The following MTMR8 variants were observed in gnomAD, a reference collection of about 807,000 sequenced individuals.
MTMR8 encodes the protein myotubularin related protein 8.
MTMR8 carries 65 observed loss-of-function variants against 39.3 expected under a neutral mutation model. The observed-to-expected ratio is 1.65, with a 90% confidence interval of 1.35 to 2.03. MTMR8 has a LOEUF of 2.03. Ranked by LOEUF, MTMR8 falls within the 30% of genes most tolerant of loss-of-function variation. The pLI is 0.00. For synonymous variants in MTMR8, 245 were observed against 185.2 expected (o/e 1.32, Z -2.62); for missense variants, 777 against 538.9 (o/e 1.44, Z -4.37).
chrX:64,276,988 C>T (rs912923445), intron 12 of MTMR8, among the ~76,000 whole-genome samples: 1 of 111,794 alleles, frequency 8.9e-6, no homozygotes, highest in African/African-American at 3.3e-5. Context: ...TGCATTGATC[C>T]CTTTACCATT....
chrX:64,377,896 G>C (rs190941260), intron 1 of MTMR8, among the ~76,000 whole-genome samples: 43 of 111,823 alleles, frequency 3.8e-4, no homozygotes, highest in Non-Finnish European at 6.8e-4. Flanking sequence ...TTGGATCATG[G>C]GGCAGACTTC....
chrX:64,270,514 A>C (rs1200436529), intron 13 of MTMR8, among the ~76,000 whole-genome samples: 3 of 112,485 alleles, frequency 2.7e-5, no homozygotes, highest in Admixed American at 9.4e-5. Context: ...GTCACTCAAT[A>C]AGCAGAGTTT....
Position 64,270,992 on chromosome X carries a change from C to G in MTMR8, c.1563G>C (p.Lys521Asn). The G allele has an allele frequency of 8.3e-7, 1 of 1,210,588 alleles. No homozygotes were observed. Among genetic ancestry groups the G allele is most frequent in the Non-Finnish European group, 1.1e-6 (1 of 894,985 alleles). Residue 521 changes from lysine to asparagine, a missense_variant, in exon 13 of 14, where the codon AAG (lysine) becomes AAC (asparagine). By Grantham distance (94) the Lys-to-Asn change is moderately conservative (BLOSUM62 0). Coordinates refer to ENST00000374852, the MANE Select transcript of MTMR8 (RefSeq NM_017677.4). ...QSMLESLLEIKKQRAMLETDV... is the reference protein window; with the variant it reads ...QSMLESLLEINKQRAMLETDV... The stretch of plus-strand genomic sequence containing the variant: ...CTGTCTCCAGCATTGCTCTCTGTTT[C>G]TTAATTTCCAGGAGGCTCTCTAGCA...
At chrX:64,369,863 G>A (rs910539266) in intron 1 of MTMR8, among the ~76,000 whole-genome samples, 2 of 111,353 alleles carry the variant, frequency 1.8e-5, no homozygotes, top group Admixed American at 1.9e-4. Context: ...GCTATTAGAA[G>A]CAATGGGTTA....
At chrX:64,334,559 A>G (rs757126251) in intron 10 of MTMR8, among the ~76,000 whole-genome samples, 1 of 98,433 alleles carries the variant, frequency 1.0e-5, no homozygotes, top group African/African-American at 3.7e-5. Flanking sequence ...AAACACTCAA[A>G]TCTTTCAGCT....
At chrX:64,305,769 A>T (rs1922089736) in intron 12 of MTMR8, 2 of 411,420 alleles carry the variant, frequency 4.9e-6, no homozygotes, top group Non-Finnish European at 9.2e-6. Flanking sequence ...AGCTGAAAGC[A>T]TTTCCTGTAT....
At chrX:64,285,923 A>T (rs928821451) in intron 12 of MTMR8, among the ~76,000 whole-genome samples, 2 of 111,850 alleles carry the variant, frequency 1.8e-5, no homozygotes, top group Non-Finnish European at 3.8e-5. Flanking sequence ...GAACTAGAGA[A>T]ACAAGAACAA....
chrX:64,352,145 C>T (rs1410639099), intron 4 of MTMR8, among the ~76,000 whole-genome samples: 1 of 111,486 alleles, frequency 9.0e-6, no homozygotes, highest in South Asian at 3.8e-4. Flanking sequence ...GCAGAACGTG[C>T]CTATGTGGGC....
At position 64,348,711 on chromosome X, in the gene MTMR8, G is replaced by C. The variant is rs375736465; in HGVS notation, c.681C>G (p.Ser227Arg). The C allele has an allele frequency of 8.3e-7, 1 of 1,210,352 alleles. No homozygotes were observed. The highest frequency in any genetic ancestry group is 1.1e-6 in the Non-Finnish European group (1 of 894,597). ...VDDELLLEAI[S>R]QTNPGSQFMY... ...TAAACTGGCTCCCTGGGTTTGTTTG[G>C]CTAATGGCCTCCAACAAGAGCTCAT... Residue 227 changes from serine to arginine, a missense_variant, in exon 6 of 14, where the codon AGC (serine) becomes AGG (arginine). Transcript: ENST00000374852.
intron 1 of MTMR8, among the ~76,000 whole-genome samples, chrX:64,372,985 T>G (rs948715088): frequency 9.0e-6 from 1 of 111,605 alleles, no homozygotes; most frequent in African/African-American, 3.3e-5. Flanking sequence ...ATAACACCAA[T>G]CTAGGAAGTA....
rs1261119600 is a variant in MTMR8, at chrX:64,331,753, C to T, written c.1156G>A (p.Gly386Ser). The change falls in exon 11 of 14, where the codon GGC becomes AGC. Residue 386 changes from glycine to serine, a missense_variant. Gly to Ser is a moderately conservative substitution (Grantham distance 56). Coordinates refer to ENST00000374852, the MANE Select transcript of MTMR8 (RefSeq NM_017677.4). Reference sequence around the variant, plus strand: ...TCTTTAGAGTCCCCATCGAGGTGGCCACACCTGAGAGATGAAAATAAAGGT... The same window carrying T: ...TCTTTAGAGTCCCCATCGAGGTGGCTACACCTGAGAGATGAAAATAAAGGT... ...SMGHKFSQRC[G>S]HLDGDSKEVS... 1 of 1,200,280 alleles carries T rather than the reference C, an allele frequency of 8.3e-7. No homozygotes were observed.
At chrX:64,303,209 C>G (rs12116175) in intron 12 of MTMR8, among the ~76,000 whole-genome samples, 9,341 of 111,764 alleles carry the variant, frequency 0.084, 1,024 homozygotes, top group African/African-American at 0.29. Flanking sequence ...GTAGTAGTAT[C>G]TGATTGAGCA....
At chrX:64,271,197 T>A (rs1931752975) in intron 12 of MTMR8, 124 bp from the exon 13 acceptor site, 1 of 657,847 alleles carries the variant, frequency 1.5e-6, no homozygotes. Context: ...AGTACTGTAA[T>A]TTGATGACAT....
At chrX:64,375,357 GA>G (rs1164526672) in intron 1 of MTMR8, among the ~76,000 whole-genome samples, 2,116 of 88,491 alleles carry the variant, frequency 0.024, 27 homozygotes, top group Non-Finnish European at 0.033. Context: ...TGTCTCAATA[GA>G]AAAAAAAAAA....
intron 1 of MTMR8, among the ~76,000 whole-genome samples, chrX:64,382,219 T>G (rs931547596): frequency 8.9e-6 from 1 of 112,049 alleles, no homozygotes; most frequent in Non-Finnish European, 1.9e-5. Context: ...ACGATATTGA[T>G]TCCTCCTGCC....
In MTMR8 at chrX:64,268,699, G is replaced by A; in HGVS notation, c.1953C>T (p.Asp651=). 8.3e-7 allele frequency: 1 copy of A among 1,211,688 alleles called. No homozygotes were observed. The highest frequency in any genetic ancestry group is 1.1e-6 in the Non-Finnish European group (1 of 895,543). The stretch of plus-strand genomic sequence containing the variant: ...TGTCCATGGCCCCACAGATTCCTAA[G>A]TCTTTGGAGAAGCCCGTAGCCTCAA... ...CTFEATGFSK[D]LGICGAMDIS... The change falls in exon 14 of 14, where the codon GAC becomes GAT. Residue 651 remains aspartate (D), a synonymous_variant. Coordinates refer to ENST00000374852, the MANE Select transcript of MTMR8 (RefSeq NM_017677.4).
chrX:64,373,336 T>C (rs1219692078), intron 1 of MTMR8, among the ~76,000 whole-genome samples: 1 of 111,439 alleles, frequency 9.0e-6, no homozygotes, highest in Non-Finnish European at 1.9e-5. Context: ...CGAGGGCAGA[T>C]TTCCCCCTGG....
chrX:64,330,558 T>C lies in MTMR8; in HGVS notation c.1352+999A>G, dbSNP rs149145278. Among the ~76,000 whole-genome samples, 463 of 112,009 alleles carry C rather than the reference T, an allele frequency of 4.1e-3. 2 individuals carry two copies. The highest frequency in any genetic ancestry group is 0.015 in the African/African-American group (452 of 30,892). Reference sequence around the variant, plus strand: ...TATCCTATTTCTTTTTCTCTGTCTCTAACATAATGAAAATACTGTTCACAG... The same window carrying C: ...TATCCTATTTCTTTTTCTCTGTCTCCAACATAATGAAAATACTGTTCACAG... On this transcript the variant is annotated intron_variant, in intron 11 of 13. Coordinates refer to ENST00000374852, the MANE Select transcript of MTMR8 (RefSeq NM_017677.4).
At chrX:64,296,572 GGTTT>G (rs1921594098) in intron 12 of MTMR8, among the ~76,000 whole-genome samples, 1 of 93,788 alleles carries the variant, frequency 1.1e-5, no homozygotes, top group Non-Finnish European at 2.0e-5. Context: ...ACCCTATGCT[GGTTT>G]TTTTTTTTTT....
Sources: gnomAD v4.1 joint callset for allele counts (sites outside exome capture counted in the v4.1 genomes callset) on GRCh38, gnomAD v4.1.1 for gene constraint, MANE v1.5 for transcripts, NCBI Gene and HGNC (gene_info 2026-07-23, HGNC 2026-07-21) for gene names.